The following BUB1B variants were observed in gnomAD, a reference collection of about 807,000 sequenced individuals.
The protein encoded by BUB1B is BUB1 mitotic checkpoint serine/threonine kinase B.
Under a neutral mutation model 137.7 loss-of-function variants are expected in BUB1B, and 86 were observed. That is an observed-to-expected ratio of 0.62 (90% CI 0.52 to 0.75). The LOEUF (loss-of-function observed/expected upper bound fraction) is 0.75, where lower values mean the gene tolerates loss of function less well. BUB1B is among the 30% of genes least tolerant of loss of function. The probability of loss-of-function intolerance (pLI) is 0.00; values close to 1 mark genes in which losing one functional copy is unlikely to be tolerated. For missense variants in BUB1B, 1,130 were observed against 1,236.9 expected (o/e 0.91, Z 1.30); for synonymous variants, 420 against 417.9 (o/e 1.00, Z -0.06).
chr15:40,171,909 T>C (rs1345686398), intron 4 of BUB1B, among the ~76,000 whole-genome samples: 1 of 152,166 alleles, frequency 6.6e-6, no homozygotes, highest in Non-Finnish European at 1.5e-5. Context: ...TTAATATTAC[T>C]GCTTTTATTC....
chr15:40,200,833 AATATT>A (rs1595528581), intron 11 of BUB1B, 93 bp from the exon 12 acceptor site: 1 of 981,230 alleles, frequency 1.0e-6, no homozygotes. Context: ...TCTTAGAGTA[AATATT>A]ATATTTAATG....
rs907340410 is a variant in BUB1B, at chr15:40,203,453, A to G, written c.1734+759A>G. 2.0e-5 allele frequency among the ~76,000 whole-genome samples: 3 copies of G among 152,166 alleles called. No individual in the cohort carries two copies. The South Asian group carries it at 6.2e-4, about 32-fold the overall frequency. Reference sequence around the variant, plus strand: ...TTTGGAGTGATGAAAGTATTCTGGAATTAGATAGTGATGATGGTTGTACAA... The same window carrying G: ...TTTGGAGTGATGAAAGTATTCTGGAGTTAGATAGTGATGATGGTTGTACAA... On this transcript the variant is annotated intron_variant, in intron 14 of 22. Transcript: ENST00000287598.
intron 4 of BUB1B, among the ~76,000 whole-genome samples, chr15:40,171,238 G>A (rs771732873): frequency 1.3e-5 from 2 of 152,096 alleles, no homozygotes; most frequent in South Asian, 2.1e-4. Flanking sequence ...CCCCTAGTCC[G>A]GATTACTTAT....
chr15:40,195,424 A>C (rs2037486256), intron 8 of BUB1B, among the ~76,000 whole-genome samples: 1 of 152,138 alleles, frequency 6.6e-6, no homozygotes. Context: ...TGCAGTTGTG[A>C]ATTATGCTGC....
chr15:40,206,320 A>G lies in BUB1B; in HGVS notation c.1871A>G (p.Glu624Gly). The G allele has an allele frequency of 6.2e-7, 1 of 1,614,164 alleles. No homozygotes were observed. The highest frequency in any genetic ancestry group is 8.5e-7 in the Non-Finnish European group (1 of 1,180,030). The change falls in exon 15 of 23, where the codon GAG becomes GGG. Residue 624 changes from glutamate (E) to glycine (G), a missense_variant. Glu to Gly is a moderately conservative substitution (Grantham distance 98). Transcript: ENST00000287598. The stretch of plus-strand genomic sequence containing the variant: ...CGTTTTGTATCCACTCCTTTTCATG[A>G]GATAATGTCCTTGAAGGATCTCCCT... ...AARFVSTPFHEIMSLKDLPSD... is the reference protein window; with the variant it reads ...AARFVSTPFHGIMSLKDLPSD...
chr15:40,210,658 C>T (rs1481654410), intron 18 of BUB1B, among the ~76,000 whole-genome samples: 3 of 152,054 alleles, frequency 2.0e-5, no homozygotes, highest in Admixed American at 6.6e-5. Flanking sequence ...CGTAGGTGCA[C>T]GCCACCACTC....
chr15:40,193,704 G>A (rs965748210), intron 8 of BUB1B, among the ~76,000 whole-genome samples: 11 of 151,756 alleles, frequency 7.2e-5, no homozygotes, highest in African/African-American at 2.4e-4. Flanking sequence ...TCAGGAGTTC[G>A]CCAACATGGC....
At position 40,176,349 on chromosome 15, in the gene BUB1B, C is replaced by A. The variant is rs1448315801; in HGVS notation, c.385-128C>A. ...TAGGTCCTCCCAGTATGGTCCTTAT[C>A]ACATTGTAATAATAGATTTTTTTTT... On this transcript the variant is annotated intron_variant, in intron 4 of 22. Transcript: ENST00000287598. 4.5e-6 allele frequency: 4 copies of A among 891,444 alleles called. No individual in the cohort carries two copies. The African/African-American group carries it at 5.0e-5, about 11-fold the overall frequency. 55.2% of individuals were successfully genotyped at this position (891,444 alleles called of 1,614,324 possible).
chr15:40,197,539 G>C (rs903481806), intron 9 of BUB1B, among the ~76,000 whole-genome samples: 5 of 152,130 alleles, frequency 3.3e-5, no homozygotes, highest in African/African-American at 4.8e-5. Context: ...ATTAGGATCT[G>C]TAAGGAGAAA....
chr15:40,179,023 C>G (rs1036213140), intron 5 of BUB1B, among the ~76,000 whole-genome samples: 2 of 152,102 alleles, frequency 1.3e-5, no homozygotes, highest in Non-Finnish European at 2.9e-5. Context: ...TCCTACTTAC[C>G]TCGCTCCTAG....
intron 8 of BUB1B, among the ~76,000 whole-genome samples, chr15:40,186,730 C>A (rs541118043): frequency 6.6e-6 from 1 of 151,746 alleles, no homozygotes; most frequent in African/African-American, 2.4e-5. Flanking sequence ...CAGGCGTGAG[C>A]CACTGCGCCC....
chr15:40,187,301 A>AT (rs1003559961), intron 8 of BUB1B, among the ~76,000 whole-genome samples: 1 of 151,488 alleles, frequency 6.6e-6, no homozygotes, highest in Non-Finnish European at 1.5e-5. Flanking sequence ...AATTTTTTCT[A>AT]TTTTTTAGTA....
intron 8 of BUB1B, among the ~76,000 whole-genome samples, chr15:40,189,153 TTTTG>T (rs2037406693): frequency 1.3e-5 from 2 of 152,084 alleles, no homozygotes; most frequent in Non-Finnish European, 2.9e-5. Flanking sequence ...CTTTGTTTTT[TTTTG>T]TTTGTTTGTT....
In BUB1B at chr15:40,202,609, G is replaced by A. The variant is rs28989187; in HGVS notation, c.1649G>A (p.Arg550Gln). 3.8e-4 allele frequency: 618 copies of A among 1,613,904 alleles called. 8 individuals carry two copies. In the East Asian group the frequency reaches 0.013, roughly 33 times the overall value. The change falls in exon 14 of 23, where the codon CGA (arginine) becomes CAA (glutamine). Residue 550 changes from arginine (R) to glutamine (Q), a missense_variant. Transcript: ENST00000287598. ...TCCAGTCCTCCTGCAGATCCCCCAC[G>A]AGTTTTAGCTCAACGAAGACCCCTT... The part of the protein sequence containing the change: ...KNKSPPADPP[R>Q]VLAQRRPLAV...
At chr15:40,161,728 C>G (rs994094156) in intron 1 of BUB1B, among the ~76,000 whole-genome samples, 13 of 152,190 alleles carry the variant, frequency 8.5e-5, no homozygotes, top group African/African-American at 2.9e-4. Context: ...TAGCCAATAT[C>G]ATAGAGATCT....
Position 40,209,676 on chromosome 15 carries a change from C to A in BUB1B, c.2185C>A (p.Gln729Lys), listed in dbSNP as rs776943945. The A allele has an allele frequency of 1.2e-6, 2 of 1,614,150 alleles. No homozygotes were observed. Among genetic ancestry groups the A allele is most frequent in the South Asian group, 2.2e-5 (2 of 91,086 alleles). Reference sequence around the variant, plus strand: ...ACCATGGTGTTCACAGTATCGCAGACAGCTACTGAAGTCCCTACCAGAGTT... The same window carrying A: ...ACCATGGTGTTCACAGTATCGCAGAAAGCTACTGAAGTCCCTACCAGAGTT... ...QSPWCSQYRR[Q>K]LLKSLPELSA... is the part of the protein sequence containing the mutation. Residue 729 changes from glutamine to lysine, a missense_variant, in exon 17 of 23, where the codon CAG becomes AAG. By Grantham distance (53) the Gln-to-Lys change is moderately conservative. Coordinates refer to ENST00000287598, the MANE Select transcript of BUB1B (RefSeq NM_001211.6).
At chr15:40,189,455 C>T (rs927439662) in intron 8 of BUB1B, among the ~76,000 whole-genome samples, 1 of 152,196 alleles carries the variant, frequency 6.6e-6, no homozygotes, top group African/African-American at 2.4e-5. Context: ...CCACTGCGTC[C>T]AGGCAGTGTA....
chr15:40,196,510 G>T, intron 8 of BUB1B, 35 bp from the exon 9 acceptor site: 5 of 1,513,500 alleles, frequency 3.3e-6, no homozygotes, highest in African/African-American at 2.8e-5. Context: ...TTTTTATTTT[G>T]ACCCATATGA....
chr15:40,207,447 T>C (rs1050185817), intron 15 of BUB1B, among the ~76,000 whole-genome samples: 2 of 151,952 alleles, frequency 1.3e-5, no homozygotes, highest in African/African-American at 4.8e-5. Flanking sequence ...AACTTTTTTT[T>C]GAAACTTTTT....
Sources: gnomAD v4.1 joint callset for allele counts (sites outside exome capture counted in the v4.1 genomes callset) on GRCh38, gnomAD v4.1.1 for gene constraint, MANE v1.5 for transcripts, NCBI Gene and HGNC (gene_info 2026-07-23, HGNC 2026-07-21) for gene names.